The following IL2RA variants were observed in gnomAD, a reference collection of about 807,000 sequenced individuals.
IL2RA encodes the protein interleukin-2 receptor subunit alpha.
In IL2RA, 24 loss-of-function variants were observed where a neutral mutation model predicts 37.8. The ratio of observed to expected loss-of-function variants is 0.63; its 90% CI spans 0.46 to 0.89. The LOEUF (loss-of-function observed/expected upper bound fraction) is 0.89. IL2RA is among the 40% of genes least tolerant of loss of function. The pLI is 0.00. For synonymous variants in IL2RA, 125 were observed against 114.6 expected, an observed-to-expected ratio of 1.09 and a Z score of -0.58; for missense variants, 319 against 348.6, an observed-to-expected ratio of 0.92 and a Z score of 0.68.
At position 6,011,955 on chromosome 10, in the gene IL2RA, T is replaced by A. The variant is rs1159669307; in HGVS notation, c.*917A>T. On this transcript the variant is annotated 3_prime_UTR_variant, in exon 8 of 8. Coordinates refer to ENST00000379959, the MANE Select transcript of IL2RA (RefSeq NM_000417.3). The surrounding 1 kb of genome is among the most constrained non-coding windows in gnomAD (Gnocchi z 5.2). ...AAACATTGAATGTACGGATCCCTTT[T>A]TGGTGTTTTTAGACACTTCTCAGGA... is the stretch of plus-strand genomic sequence containing the variant. 2 of 152,396 alleles carry A rather than the reference T, an allele frequency of 1.3e-5. No individual in the cohort carries two copies. The highest frequency in any genetic ancestry group is 2.9e-5 in the Non-Finnish European group (2 of 68,060). 9.4% of individuals were successfully genotyped at this position (152,396 alleles called of 1,614,324 possible). A position where few individuals can be genotyped will look rare whatever the true frequency, so the allele number is the denominator to read the frequency against.
intron 1 of IL2RA, among the ~76,000 whole-genome samples, chr10:6,034,120 T>G (rs1839643023): frequency 6.6e-6 from 1 of 152,222 alleles, no homozygotes; most frequent in Non-Finnish European, 1.5e-5. Flanking sequence ...TGCGTTTTTC[T>G]AGATGAGGTC....
chr10:6,040,942 C>A lies in IL2RA; in HGVS notation c.65-14917G>T, dbSNP rs1839762300. Among the ~76,000 whole-genome samples the A allele has an allele frequency of 2.0e-5, 3 of 152,158 alleles. No homozygotes were observed. The South Asian group carries it at 6.2e-4, about 32-fold the overall frequency. On this transcript the variant is annotated intron_variant, in intron 1 of 7. Transcript: ENST00000379959. The stretch of plus-strand genomic sequence containing the variant: ...AAATTCAACATTTTTTATATATCAG[C>A]AACAACCAATCCAAAAATATAATGG...
intron 1 of IL2RA, among the ~76,000 whole-genome samples, chr10:6,061,093 TA>T (rs941372658): frequency 2.0e-5 from 3 of 151,380 alleles, no homozygotes; most frequent in Non-Finnish European, 4.4e-5. Context: ...TTTATTTCTT[TA>T]AAAAAAAATA....
At chr10:6,030,583 G>T (rs1839560805) in intron 1 of IL2RA, among the ~76,000 whole-genome samples, 1 of 152,038 alleles carries the variant, frequency 6.6e-6, no homozygotes, top group African/African-American at 2.4e-5. Context: ...TATATTTTCA[G>T]ATAAAAGAAA....
rs916392556 is a variant in IL2RA at position 6,033,030 on chromosome 10, T to A, written c.65-7005A>T. ...GGGGAGGAAGTAGAACTACCAGAAC[T>A]CTCTTATGTTACTGGTGGCAGTGTA... On this transcript the variant is annotated intron_variant, in intron 1 of 7. Coordinates refer to ENST00000379959, the MANE Select transcript of IL2RA (RefSeq NM_000417.3). This position sits in a 1 kb window ranked among gnomAD's most constrained non-coding sequence, Gnocchi z 4.3. 6.6e-6 allele frequency among the ~76,000 whole-genome samples: 1 copy of A among 152,164 alleles called. No individual in the cohort carries two copies. Among genetic ancestry groups the A allele is most frequent in the African/African-American group, 2.4e-5 (1 of 41,434 alleles).
intron 1 of IL2RA, among the ~76,000 whole-genome samples, chr10:6,061,316 G>A (rs1840118438): frequency 6.6e-6 from 1 of 152,074 alleles, no homozygotes; most frequent in Admixed American, 6.5e-5. Flanking sequence ...AGCCTGGGAG[G>A]CGAAGGTTGC....
Position 6,025,416 on chromosome 10 carries a change from G to T in IL2RA, c.256+418C>A, listed in dbSNP as rs1047706660. 2.7e-5 allele frequency among the ~76,000 whole-genome samples: 4 copies of T among 150,730 alleles called. No homozygotes were observed. Among genetic ancestry groups the T allele is most frequent in the African/African-American group, 9.8e-5 (4 of 40,872 alleles). On this transcript the variant is annotated intron_variant, in intron 2 of 7. Coordinates refer to ENST00000379959, the MANE Select transcript of IL2RA (RefSeq NM_000417.3). The surrounding 1 kb of genome is among the most constrained non-coding windows in gnomAD (Gnocchi z 4.4). ...CATGCCTGTAATCCCAGCATTTTGG[G>T]TGGCTGAGATGGGCAGATTACTCAA...
At chr10:6,045,799 C>T (rs1839844479) in intron 1 of IL2RA, among the ~76,000 whole-genome samples, 2 of 152,008 alleles carry the variant, frequency 1.3e-5, no homozygotes, top group South Asian at 4.2e-4. Context: ...TTCAACTCAA[C>T]GGAATTTCCC....
At chr10:6,039,500 A>G (rs1191748853) in intron 1 of IL2RA, 1 of 152,146 alleles carries the variant, frequency 6.6e-6, no homozygotes, top group African/African-American at 2.4e-5. Flanking sequence ...ACAATTAACA[A>G]ATTTGATTCC....
At chr10:6,037,116 G>A (rs1433751306) in intron 1 of IL2RA, among the ~76,000 whole-genome samples, 2 of 152,172 alleles carry the variant, frequency 1.3e-5, no homozygotes, top group East Asian at 3.9e-4. Flanking sequence ...AGTGAGTGCT[G>A]CTCAATCTGC....
chr10:6,042,596 G>A (rs369414991), intron 1 of IL2RA, among the ~76,000 whole-genome samples: 78 of 152,128 alleles, frequency 5.1e-4, no homozygotes, highest in Admixed American at 1.1e-3. Context: ...AAGTAATAAC[G>A]TCTACTTAGA....
In IL2RA at chr10:6,046,789, G is replaced by A. The variant is rs1332669921; in HGVS notation, c.64+15299C>T. 6.6e-6 allele frequency among the ~76,000 whole-genome samples: 1 copy of A among 152,190 alleles called. No individual in the cohort carries two copies. The highest frequency in any genetic ancestry group is 1.5e-5 in the Non-Finnish European group (1 of 68,032). ...GATCTCTGATAGTTTCAGTGGGTGG[G>A]TTCTATTCTTTTCAACAGATACCTC... On this transcript the variant is annotated intron_variant, in intron 1 of 7. Coordinates refer to ENST00000379959, the MANE Select transcript of IL2RA (RefSeq NM_000417.3). This position sits in a 1 kb window ranked among gnomAD's most constrained non-coding sequence, Gnocchi z 4.8.
rs1027075304 is a variant in IL2RA at position 6,015,449 on chromosome 10, G to A, written c.795-2553C>T. ...ATCCTCAGAGTCTGCTCCCTGGAAC[G>A]GCAGCGTCAGTATCACCTGGGAACC... is the stretch of plus-strand genomic sequence containing the variant. On this transcript the variant is annotated intron_variant, in intron 7 of 7. Coordinates refer to ENST00000379959, the MANE Select transcript of IL2RA (RefSeq NM_000417.3). The surrounding 1 kb of genome is among the most constrained non-coding windows in gnomAD (Gnocchi z 4.9). Among the ~76,000 whole-genome samples, 11 of 152,088 alleles carry A rather than the reference G, an allele frequency of 7.2e-5. No homozygotes were observed. The highest frequency in any genetic ancestry group is 2.7e-4 in the African/African-American group (11 of 41,420).
rs1049348693 is a variant in IL2RA at position 6,056,280 on chromosome 10, A to G, written c.64+5808T>C. On this transcript the variant is annotated intron_variant, in intron 1 of 7. Transcript: ENST00000379959. The surrounding 1 kb of genome is among the most constrained non-coding windows in gnomAD (Gnocchi z 5.0). ...GAGCTGGAACTTTCTTCATCTCTGT[A>G]ATCCTCATGCATGAATGGATGGATG... Among the ~76,000 whole-genome samples the G allele has an allele frequency of 1.3e-5, 2 of 152,202 alleles. No individual in the cohort carries two copies. Among genetic ancestry groups the G allele is most frequent in the Non-Finnish European group, 2.9e-5 (2 of 68,034 alleles).
rs1253142830 is a variant in IL2RA, at chr10:6,044,235, C to T, written c.64+17853G>A. Among the ~76,000 whole-genome samples, 1 of 152,134 alleles carries T rather than the reference C, an allele frequency of 6.6e-6. No homozygotes were observed. The highest frequency in any genetic ancestry group is 2.4e-5 in the African/African-American group (1 of 41,414). On this transcript the variant is annotated intron_variant, in intron 1 of 7. Coordinates refer to ENST00000379959, the MANE Select transcript of IL2RA (RefSeq NM_000417.3). This position sits in a 1 kb window ranked among gnomAD's most constrained non-coding sequence, Gnocchi z 4.5. ...AGCCCGCAAGGGTTCTTGGCTTTGC[C>T]CAGGAAGGAATTCAGGGGCAAGCCA...
rs183056039 is a variant in IL2RA, at chr10:6,032,495, A to G, written c.65-6470T>C. 4.7e-3 allele frequency among the ~76,000 whole-genome samples: 716 copies of G among 152,134 alleles called. 7 individuals carry two copies. The highest frequency in any genetic ancestry group is 8.1e-3 in the Admixed American group (124 of 15,298). On this transcript the variant is annotated intron_variant, in intron 1 of 7. Transcript: ENST00000379959. The stretch of plus-strand genomic sequence containing the variant: ...ATCACAAGGTCAGGAGATGGAGACC[A>G]TCCTGGCTAACACGGTGAAACCCTG...
intron 1 of IL2RA, among the ~76,000 whole-genome samples, chr10:6,060,563 T>C (rs1041677996): frequency 5.3e-5 from 8 of 152,302 alleles, no homozygotes; most frequent in Non-Finnish European, 1.0e-4. Context: ...GAGACCAGCC[T>C]GACCAATATG....
At position 6,058,358 on chromosome 10, in the gene IL2RA, T is replaced by C. The variant is rs919242396; in HGVS notation, c.64+3730A>G. Reference sequence around the variant, plus strand: ...TCTTTTTCAATTCTCACATCTAAAATGAAGTATATGCACAGGTGATTTATC... The same window carrying C: ...TCTTTTTCAATTCTCACATCTAAAACGAAGTATATGCACAGGTGATTTATC... On this transcript the variant is annotated intron_variant, in intron 1 of 7. Transcript: ENST00000379959. This position sits in a 1 kb window ranked among gnomAD's most constrained non-coding sequence, Gnocchi z 4.2. 3.3e-5 allele frequency among the ~76,000 whole-genome samples: 5 copies of C among 152,212 alleles called. No homozygotes were observed. The highest frequency in any genetic ancestry group is 9.6e-5 in the African/African-American group (4 of 41,456).
chr10:6,014,506 A>G lies in IL2RA; in HGVS notation c.795-1610T>C, dbSNP rs1839245780. On this transcript the variant is annotated intron_variant, in intron 7 of 7. Coordinates refer to ENST00000379959, the MANE Select transcript of IL2RA (RefSeq NM_000417.3). This position sits in a 1 kb window ranked among gnomAD's most constrained non-coding sequence, Gnocchi z 4.4. ...CAGTTATTTGTTTCACAACATAAAC[A>G]CTGAACCATTCCTACTTCCAAATAG... Among the ~76,000 whole-genome samples the G allele has an allele frequency of 1.3e-5, 2 of 152,232 alleles. No individual in the cohort carries two copies. The highest frequency in any genetic ancestry group is 2.9e-5 in the Non-Finnish European group (2 of 68,040).
Sources: gnomAD v4.1 joint callset for allele counts (sites outside exome capture counted in the v4.1 genomes callset) on GRCh38, gnomAD v4.1.1 for gene constraint, Gnocchi (gnomAD v3.1) non-coding constraint, MANE v1.5 for transcripts, NCBI Gene and HGNC (gene_info 2026-07-23, HGNC 2026-07-21) for gene names.